The following DLGAP1 variants were observed in gnomAD, a reference collection of about 807,000 sequenced individuals.
The protein encoded by DLGAP1 is disks large-associated protein 1.
DLGAP1 carries 11 observed loss-of-function variants against 90.8 expected under a neutral mutation model. The observed-to-expected ratio is 0.12, with a 90% CI of 0.08 to 0.20. DLGAP1 has a LOEUF of 0.20. Among genes scored for constraint, DLGAP1 ranks in the 10% least tolerant of loss-of-function variants. The pLI, the probability that DLGAP1 is intolerant of heterozygous loss-of-function variation, is 1.00. For missense variants in DLGAP1, 1,050 were observed against 1,333.8 expected (o/e 0.79, Z 3.31); for synonymous variants, 558 against 540.7 (o/e 1.03, Z -0.44).
intron 1 of DLGAP1, among the ~76,000 whole-genome samples, chr18:4,268,321 G>T (rs982623096): frequency 6.6e-6 from 1 of 152,142 alleles, no homozygotes; most frequent in Admixed American, 6.5e-5. Context: ...GGAATAAACA[G>T]TATTTTTTAA....
At chr18:4,007,445 A>G (rs2074325505) in intron 2 of DLGAP1, among the ~76,000 whole-genome samples, 1 of 152,212 alleles carries the variant, frequency 6.6e-6, no homozygotes, top group Non-Finnish European at 1.5e-5. Flanking sequence ...ACCTGAGGTC[A>G]GGAGTTCAAG....
intron 1 of DLGAP1, among the ~76,000 whole-genome samples, chr18:4,288,619 G>A (rs1196363845): frequency 6.6e-6 from 1 of 152,058 alleles, no homozygotes; most frequent in African/African-American, 2.4e-5. Flanking sequence ...GTCTGGCTGT[G>A]CCATGTTTTC....
intron 7 of DLGAP1, among the ~76,000 whole-genome samples, chr18:3,617,711 G>T (rs1225397547): frequency 6.6e-6 from 1 of 151,848 alleles, no homozygotes; most frequent in Non-Finnish European, 1.5e-5. Context: ...CCCTTGATTT[G>T]TGAAAAACAC....
intron 3 of DLGAP1, among the ~76,000 whole-genome samples, chr18:3,956,613 G>T (rs2073091585): frequency 6.6e-6 from 1 of 151,944 alleles, no homozygotes; most frequent in Admixed American, 6.6e-5. Context: ...CTCCCAAAGT[G>T]CTGGGATTAT....
chr18:4,366,698 C>T (rs4503893), intron 1 of DLGAP1, among the ~76,000 whole-genome samples: 44,411 of 151,444 alleles, frequency 0.29, 7,058 homozygotes, highest in Non-Finnish European at 0.35. Context: ...TACCTCCCAA[C>T]GTCCATGGAA....
intron 1 of DLGAP1, among the ~76,000 whole-genome samples, chr18:4,413,608 T>G (rs35494439): frequency 0.39 from 58,818 of 152,088 alleles, 11,751 homozygotes; most frequent in Non-Finnish European, 0.43. Flanking sequence ...AAGTTAATCT[T>G]AGTCAGAAAC....
intron 3 of DLGAP1, among the ~76,000 whole-genome samples, chr18:3,886,103 C>A (rs1314703660): frequency 6.6e-6 from 1 of 152,158 alleles, no homozygotes; most frequent in Non-Finnish European, 1.5e-5. Context: ...ATACTGAAGG[C>A]CCTCCTCTGT....
chr18:3,920,072 G>C (rs1303796577), intron 3 of DLGAP1, among the ~76,000 whole-genome samples: 2 of 152,314 alleles, frequency 1.3e-5, no homozygotes, highest in African/African-American at 4.8e-5. Flanking sequence ...CCCGGACACA[G>C]TGGCTCATGC....
chr18:3,981,434 A>G (rs1415000631), intron 3 of DLGAP1, among the ~76,000 whole-genome samples: 1 of 152,226 alleles, frequency 6.6e-6, no homozygotes, highest in Non-Finnish European at 1.5e-5. Flanking sequence ...AGCTCCTGCT[A>G]GGGCCATACA....
Position 4,137,593 on chromosome 18 carries a change from A to C in DLGAP1, c.-159+13587T>G, listed in dbSNP as rs569866755. On this transcript the variant is annotated intron_variant, in intron 2 of 12. Coordinates refer to ENST00000315677, the MANE Select transcript of DLGAP1 (RefSeq NM_004746.4). ...TCCAGCTTTGTTCTTTTTGCTCAAG[A>C]CAGCTTTGGTATTCTGGGTCTTTTG... 9.9e-5 allele frequency among the ~76,000 whole-genome samples: 15 copies of C among 152,192 alleles called. No individual in the cohort carries two copies. The South Asian group carries it at 3.1e-3, about 32-fold the overall frequency.
intron 2 of DLGAP1, among the ~76,000 whole-genome samples, chr18:4,088,438 T>C (rs1228151089): frequency 3.3e-5 from 5 of 152,092 alleles, no homozygotes; most frequent in Non-Finnish European, 7.4e-5. Flanking sequence ...TTTGTGTGTG[T>C]GTGTGTGTGT....
intron 8 of DLGAP1, among the ~76,000 whole-genome samples, chr18:3,577,369 A>C (rs12954168): frequency 0.22 from 33,420 of 152,160 alleles, 3,993 homozygotes; most frequent in East Asian, 0.51. Flanking sequence ...AATTTTGTGT[A>C]TTAAACTGTC....
At position 3,729,002 on chromosome 18, in the gene DLGAP1, C is replaced by T; in HGVS notation, c.1591+133G>A. Reference sequence around the variant, plus strand: ...ATAGAGGCAGATAGGGAAGGAAAACCTTTGGTTTGTAGGACATGGGTGGTA... The same window carrying T: ...ATAGAGGCAGATAGGGAAGGAAAACTTTTGGTTTGTAGGACATGGGTGGTA... On this transcript the variant is annotated intron_variant, in intron 7 of 12. Transcript: ENST00000315677. This position sits in a 1 kb window ranked among gnomAD's most constrained non-coding sequence, Gnocchi z 6.2. The T allele has an allele frequency of 1.5e-6, 2 of 1,364,378 alleles. No individual in the cohort carries two copies. The highest frequency in any genetic ancestry group is 2.7e-4 in the Middle Eastern group (1 of 3,758). 84.5% of individuals were successfully genotyped at this position (1,364,378 alleles called of 1,614,324 possible). A position where few individuals can be genotyped will look rare whatever the true frequency, so the allele number is the denominator to read the frequency against.
At chr18:3,658,491 A>T (rs28406600) in intron 7 of DLGAP1, among the ~76,000 whole-genome samples, 7,565 of 152,292 alleles carry the variant, frequency 0.05, 638 homozygotes, top group African/African-American at 0.17. Context: ...TAATTGAACA[A>T]GACAAATGGA....
At chr18:3,772,665 A>C (rs1310622285) in intron 5 of DLGAP1, among the ~76,000 whole-genome samples, 1 of 151,590 alleles carries the variant, frequency 6.6e-6, no homozygotes, top group African/African-American at 2.4e-5. Context: ...TCTGAGCCCC[A>C]CCCCAGAACA....
chr18:4,150,307 T>C (rs999243855), intron 2 of DLGAP1, among the ~76,000 whole-genome samples: 4 of 152,202 alleles, frequency 2.6e-5, no homozygotes, highest in Non-Finnish European at 5.9e-5. Context: ...AAGACCCTTC[T>C]TTTTTTCTCC....
At chr18:4,005,595 C>T (rs2074284333) in intron 2 of DLGAP1, among the ~76,000 whole-genome samples, 1 of 152,150 alleles carries the variant, frequency 6.6e-6, no homozygotes. Flanking sequence ...GGTTAGTGCC[C>T]ACCCTCGGGA....
At chr18:3,855,214 CACTT>C (rs2069566792) in intron 4 of DLGAP1, among the ~76,000 whole-genome samples, 1 of 152,152 alleles carries the variant, frequency 6.6e-6, no homozygotes, top group Admixed American at 6.5e-5. Flanking sequence ...TGCATATTCT[CACTT>C]AAGCCAAACA....
At chr18:4,335,992 G>T (rs1194303820) in intron 1 of DLGAP1, among the ~76,000 whole-genome samples, 3 of 152,046 alleles carry the variant, frequency 2.0e-5, no homozygotes, top group Non-Finnish European at 4.4e-5. Context: ...TGCCATTTGG[G>T]GCACAAATTG....
Sources: gnomAD v4.1 joint callset for allele counts (sites outside exome capture counted in the v4.1 genomes callset) on GRCh38, gnomAD v4.1.1 for gene constraint, Gnocchi (gnomAD v3.1) non-coding constraint, MANE v1.5 for transcripts, NCBI Gene and HGNC (gene_info 2026-07-23, HGNC 2026-07-21) for gene names.